GLCCI1: variants seen among roughly 807,000 people sequenced by gnomAD.
The protein encoded by GLCCI1 is glucocorticoid-induced transcript 1 protein.
A neutral mutation model predicts 52.2 loss-of-function variants in GLCCI1; 24 were observed. That is an observed-to-expected ratio of 0.46 (90% CI 0.33 to 0.65). GLCCI1 has a LOEUF of 0.65. GLCCI1 is among the 30% of genes least tolerant of loss of function. GLCCI1 has a pLI of 0.02. For missense variants in GLCCI1, 704 were observed against 701.5 expected (o/e 1.00, Z -0.04); for synonymous variants, 310 against 276.5 (o/e 1.12, Z -1.20).
intron 2 of GLCCI1, among the ~76,000 whole-genome samples, chr7:8,014,135 G>A (rs1040814568): frequency 3.9e-5 from 6 of 152,008 alleles, no homozygotes; most frequent in South Asian, 2.1e-4. Flanking sequence ...AATTACAGGC[G>A]CCCGCCACCA....
chr7:8,009,978 G>T (rs1272251075), intron 2 of GLCCI1, among the ~76,000 whole-genome samples: 2 of 146,604 alleles, frequency 1.4e-5, no homozygotes, highest in African/African-American at 5.0e-5. Flanking sequence ...TAATTAACTT[G>T]TTTTCTTAAT....
chr7:7,992,069 TTC>T (rs1226970266), intron 1 of GLCCI1, among the ~76,000 whole-genome samples: 1 of 144,968 alleles, frequency 6.9e-6, no homozygotes, highest in African/African-American at 2.7e-5. Flanking sequence ...CTTTCTTTCT[TTC>T]TTTCTTTCTT....
intron 3 of GLCCI1, among the ~76,000 whole-genome samples, chr7:8,030,568 CA>C (rs1562434628): frequency 2.6e-5 from 4 of 151,968 alleles, no homozygotes; most frequent in African/African-American, 9.7e-5. Flanking sequence ...AGCTTCTGCA[CA>C]GCAAACAATC....
At chr7:8,014,063 C>T (rs1167266038) in intron 2 of GLCCI1, among the ~76,000 whole-genome samples, 15 of 150,132 alleles carry the variant, frequency 1.0e-4, no homozygotes, top group Non-Finnish European at 2.2e-4. Flanking sequence ...TGTCTTGGCT[C>T]ACTGCAGCCT....
rs149393947 is a variant in GLCCI1 at position 8,040,722 on chromosome 7, C to A, written c.697-14711C>A. 2.3e-3 allele frequency among the ~76,000 whole-genome samples: 353 copies of A among 152,302 alleles called. 3 individuals are homozygous for A. Among genetic ancestry groups the A allele is most frequent in the African/African-American group, 8.1e-3 (338 of 41,572 alleles). On this transcript the variant is annotated intron_variant, in intron 3 of 7. Coordinates refer to ENST00000223145, the MANE Select transcript of GLCCI1 (RefSeq NM_138426.4). ...AACAGAAATTTAGCATACAACCCAACAATTTCATTCTTAAAAGTCTGTACA... is the reference window on the plus strand; with the variant it reads ...AACAGAAATTTAGCATACAACCCAAAAATTTCATTCTTAAAAGTCTGTACA...
At chr7:8,050,566 T>C (rs1782234463) in intron 3 of GLCCI1, among the ~76,000 whole-genome samples, 2 of 152,212 alleles carry the variant, frequency 1.3e-5, no homozygotes, top group South Asian at 2.1e-4. Context: ...CAGCTTGAGA[T>C]TCATGATTTT....
chr7:8,007,799 C>A (rs911968156), intron 2 of GLCCI1, among the ~76,000 whole-genome samples: 1 of 151,850 alleles, frequency 6.6e-6, no homozygotes, highest in Admixed American at 6.6e-5. Flanking sequence ...TTATTGAGAG[C>A]TTGACATAAA....
chr7:7,975,103 C>T (rs775368948), intron 1 of GLCCI1, among the ~76,000 whole-genome samples: 28 of 152,122 alleles, frequency 1.8e-4, no homozygotes, highest in Non-Finnish European at 3.2e-4. Flanking sequence ...TCCCTCTGCT[C>T]TTCATTTGGA....
chr7:7,993,681 A>G (rs1780888641), intron 1 of GLCCI1, among the ~76,000 whole-genome samples: 2 of 151,724 alleles, frequency 1.3e-5, no homozygotes, highest in South Asian at 4.2e-4. Context: ...ATACTTTTTT[A>G]TGCTTTCTCC....
chr7:8,030,055 G>A (rs1781711622), intron 3 of GLCCI1, among the ~76,000 whole-genome samples: 2 of 152,088 alleles, frequency 1.3e-5, no homozygotes, highest in Non-Finnish European at 2.9e-5. Flanking sequence ...ACTAAAATTT[G>A]TATGGAATGA....
intron 1 of GLCCI1, among the ~76,000 whole-genome samples, chr7:8,003,175 G>A (rs1781079914): frequency 6.6e-6 from 1 of 152,176 alleles, no homozygotes; most frequent in Non-Finnish European, 1.5e-5. Flanking sequence ...CAGGCTTAGG[G>A]TGCCATGAAA....
intron 4 of GLCCI1, among the ~76,000 whole-genome samples, chr7:8,057,657 C>T (rs536403365): frequency 6.6e-6 from 1 of 152,176 alleles, no homozygotes; most frequent in African/African-American, 2.4e-5. Context: ...GATTATACCT[C>T]ATTAAAGCTG....
chr7:8,065,447 C>CA (rs1208938076), intron 5 of GLCCI1, among the ~76,000 whole-genome samples: 8 of 151,756 alleles, frequency 5.3e-5, no homozygotes, highest in African/African-American at 1.9e-4. Context: ...CTATGTTGAA[C>CA]AGGAGTGGTG....
chr7:7,973,760 TA>T (rs1780404204), intron 1 of GLCCI1, among the ~76,000 whole-genome samples: 1 of 152,118 alleles, frequency 6.6e-6, no homozygotes, highest in Non-Finnish European at 1.5e-5. Flanking sequence ...GATTCTATTC[TA>T]AAAGATAATG....
chr7:7,979,656 A>G (rs768080099), intron 1 of GLCCI1, among the ~76,000 whole-genome samples: 5 of 152,206 alleles, frequency 3.3e-5, no homozygotes, highest in South Asian at 2.1e-4. Flanking sequence ...ATGCATACAT[A>G]TACATTAGTG....
rs1247932735 is a variant in GLCCI1 at position 8,086,160 on chromosome 7, G to T, written c.1299-33G>T. The T allele has an allele frequency of 6.5e-7, 1 of 1,529,738 alleles. No homozygotes were observed. Among genetic ancestry groups the T allele is most frequent in the Middle Eastern group, 1.8e-4 (1 of 5,682 alleles). 94.8% of individuals were successfully genotyped at this position (1,529,738 alleles called of 1,614,324 possible). The stretch of plus-strand genomic sequence containing the variant: ...AATGCTTAACTTTTTCTGTGTTCAT[G>T]ATTATAAATCTAATTTTGTTTTATG... On this transcript the variant is annotated intron_variant, in intron 7 of 7. Transcript: ENST00000223145. This position sits in a 1 kb window ranked among gnomAD's most constrained non-coding sequence, Gnocchi z 4.4.
Position 8,004,038 on chromosome 7 carries a change from C to T in GLCCI1, c.588C>T (p.Cys196=). The T allele has an allele frequency of 2.5e-6, 4 of 1,612,934 alleles. No individual in the cohort carries two copies. The South Asian group carries it at 4.4e-5, about 18-fold the overall frequency. ...ATCCTCATGTTCACTACCCTTCATG[C>T]ATGAAAGACAAAGCTACTCAGGTAA... The part of the protein sequence containing the change: ...PRDPHVHYPS[C]MKDKATQTPS... The change falls in exon 2 of 8, where the codon TGC becomes TGT. Residue 196 remains cysteine, a synonymous_variant. Transcript: ENST00000223145.
At chr7:8,066,947 T>C (rs1342204687) in intron 5 of GLCCI1, among the ~76,000 whole-genome samples, 1 of 152,210 alleles carries the variant, frequency 6.6e-6, no homozygotes, top group African/African-American at 2.4e-5. Flanking sequence ...ATTAATTTTC[T>C]ACCTCAGTGA....
chr7:8,042,452 G>A (rs1782021309), intron 3 of GLCCI1, among the ~76,000 whole-genome samples: 1 of 152,198 alleles, frequency 6.6e-6, no homozygotes, highest in Admixed American at 6.5e-5. Flanking sequence ...TGACTTTGAG[G>A]GGTTCAAGAC....
Sources: allele counts gnomAD v4.1 joint callset (sites outside exome capture counted in the v4.1 genomes callset), GRCh38; gene constraint gnomAD v4.1.1; non-coding constraint Gnocchi (gnomAD v3.1); transcripts MANE v1.5; gene names NCBI Gene and HGNC (gene_info 2026-07-23, HGNC 2026-07-21).